The following XRCC5 variants were observed in gnomAD, a reference collection of about 807,000 sequenced individuals.
The protein encoded by XRCC5 is X-ray repair cross complementing 5.
XRCC5 carries 12 observed loss-of-function variants against 95.7 expected under a neutral mutation model. That is an observed-to-expected ratio of 0.13 (90% CI 0.08 to 0.20). The LOEUF (loss-of-function observed/expected upper bound fraction) is 0.20. XRCC5 is among the 10% of genes least tolerant of loss of function. The probability of loss-of-function intolerance (pLI) is 1.00; values close to 1 mark genes in which losing one functional copy is unlikely to be tolerated. For missense variants in XRCC5, 595 were observed against 873.9 expected, an observed-to-expected ratio of 0.68 and a Z score of 4.02; for synonymous variants, 281 against 290.3, an observed-to-expected ratio of 0.97 and a Z score of 0.33.
At position 216,127,792 on chromosome 2, in the gene XRCC5, T is replaced by C. The variant is rs548469967; in HGVS notation, c.937+118T>C. 29 of 1,204,380 alleles carry C rather than the reference T, an allele frequency of 2.4e-5. No homozygotes were observed. In the African/African-American group the frequency reaches 3.1e-4, roughly 13 times the overall value. 74.6% of individuals were successfully genotyped at this position (1,204,380 alleles called of 1,614,324 possible). A position where few individuals can be genotyped will look rare whatever the true frequency, so the allele number is the denominator to read the frequency against. ...GTTATTTCTTTGAGTTATAGAAATA[T>C]AACAGTTTGAAAGGATAATGAGACC... On this transcript the variant is annotated intron_variant, in intron 8 of 20. Transcript: ENST00000392132.
At chr2:216,167,302 T>G (rs1689068966) in intron 16 of XRCC5, among the ~76,000 whole-genome samples, 1 of 152,158 alleles carries the variant, frequency 6.6e-6, no homozygotes, top group African/African-American at 2.4e-5. Context: ...ACTAGAAACA[T>G]CCTTTCATTT....
In XRCC5 at chr2:216,141,540, C is replaced by CTTTTTTTTTTTTTTTTT. The variant is rs71401137; in HGVS notation, c.1476+231_1476+247dup. Among the ~76,000 whole-genome samples the CTTTTTTTTTTTTTTTTT allele has an allele frequency of 2.2e-3, 144 of 64,950 alleles. 34 individuals carry two copies. Among genetic ancestry groups the CTTTTTTTTTTTTTTTTT allele is most frequent in the East Asian group, 8.0e-3 (16 of 2,004 alleles). 42.6% of individuals were successfully genotyped at this position (64,950 alleles called of 152,430 possible). A position where few individuals can be genotyped will look rare whatever the true frequency, so the allele number is the denominator to read the frequency against. The stretch of plus-strand genomic sequence containing the variant: ...AAAGTTGGAATGCTTTCTTTCTTTT[C>CTTTTTTTTTTTTTTTTT]TTTTTTTTTTTTTTTTTTTTTTTTT... On this transcript the variant is annotated intron_variant, in intron 13 of 20. Transcript: ENST00000392132.
intron 16 of XRCC5, among the ~76,000 whole-genome samples, chr2:216,170,076 A>T (rs1689130356): frequency 7.3e-6 from 1 of 137,068 alleles, no homozygotes; most frequent in Non-Finnish European, 1.6e-5. Context: ...AAAAAGATGC[A>T]CTTGACCCCT....
chr2:216,165,520 T>C (rs376015215), intron 16 of XRCC5, among the ~76,000 whole-genome samples: 10 of 152,254 alleles, frequency 6.6e-5, no homozygotes, highest in East Asian at 3.8e-4. Flanking sequence ...ATTGATGTCC[T>C]GTTCTTTGTT....
chr2:216,162,081 G>C (rs1688964048), intron 16 of XRCC5, 33 bp downstream of exon 16: 4 of 1,582,954 alleles, frequency 2.5e-6, no homozygotes, highest in Non-Finnish European at 3.5e-6. Context: ...AGGAGAAGCT[G>C]TTTAGTTAAG....
intron 19 of XRCC5, among the ~76,000 whole-genome samples, chr2:216,200,448 A>G (rs1689815296): frequency 6.6e-6 from 1 of 152,224 alleles, no homozygotes; most frequent in South Asian, 2.1e-4. Flanking sequence ...TAGTACAAGA[A>G]AAGTAATAAT....
At position 216,204,405 on chromosome 2, in the gene XRCC5, T is replaced by G; in HGVS notation, c.2184+9T>G. On this transcript the variant is annotated intron_variant, in intron 20 of 20. Transcript: ENST00000392132. Reference sequence around the variant, plus strand: ...GTGATGTGGACGATTTAGTAAGTACTTTTAATATGCACCTGGTGTTCTATG... The same window carrying G: ...GTGATGTGGACGATTTAGTAAGTACGTTTAATATGCACCTGGTGTTCTATG... The G allele has an allele frequency of 6.2e-7, 1 of 1,613,778 alleles. No homozygotes were observed. Among genetic ancestry groups the G allele is most frequent in the Non-Finnish European group, 8.5e-7 (1 of 1,179,692 alleles).
chr2:216,178,712 A>G (rs530128005), intron 16 of XRCC5, among the ~76,000 whole-genome samples: 8 of 152,196 alleles, frequency 5.3e-5, no homozygotes, highest in Non-Finnish European at 8.8e-5. Context: ...TTCCCCCTTC[A>G]ATAGAGCTTT....
At chr2:216,189,441 T>A (rs1689573890) in intron 16 of XRCC5, among the ~76,000 whole-genome samples, 1 of 152,218 alleles carries the variant, frequency 6.6e-6, no homozygotes, top group Non-Finnish European at 1.5e-5. Flanking sequence ...CTCATGACTT[T>A]TAGATTTCCT....
At chr2:216,181,877 G>A (rs1689395501) in intron 16 of XRCC5, among the ~76,000 whole-genome samples, 1 of 152,096 alleles carries the variant, frequency 6.6e-6, no homozygotes, top group Non-Finnish European at 1.5e-5. Context: ...TTGACCTCTA[G>A]AATACTGTAA....
chr2:216,132,506 G>C (rs1697011654), intron 10 of XRCC5, 119 bp downstream of exon 10: 1 of 955,010 alleles, frequency 1.0e-6, no homozygotes. Flanking sequence ...TAGGAGTGGG[G>C]AAATCCACTG....
chr2:216,193,169 C>T (rs1188776127), intron 18 of XRCC5, among the ~76,000 whole-genome samples: 3 of 152,138 alleles, frequency 2.0e-5, no homozygotes, highest in African/African-American at 4.8e-5. Flanking sequence ...TTGGACTTTC[C>T]GTTTCAACAG....
intron 6 of XRCC5, among the ~76,000 whole-genome samples, chr2:216,125,544 A>G (rs1696888050): frequency 6.6e-6 from 1 of 152,292 alleles, no homozygotes; most frequent in Middle Eastern, 3.4e-3. Context: ...GGGAGTTGGT[A>G]GTGAATCCTT....
intron 19 of XRCC5, among the ~76,000 whole-genome samples, chr2:216,203,280 T>G (rs1418536785): frequency 6.6e-6 from 1 of 152,148 alleles, no homozygotes; most frequent in Non-Finnish European, 1.5e-5. Context: ...TATTTACTGT[T>G]TCTGGCCCCC....
chr2:216,127,754 T>C, intron 8 of XRCC5, 80 bp downstream of exon 8: 1 of 1,420,184 alleles, frequency 7.0e-7, no homozygotes, highest in Non-Finnish European at 9.4e-7. Context: ...GTTTGTATTA[T>C]TCTTTGTTTA....
At chr2:216,119,613 T>G (rs1696771391) in intron 5 of XRCC5, among the ~76,000 whole-genome samples, 1 of 152,176 alleles carries the variant, frequency 6.6e-6, no homozygotes, top group Non-Finnish European at 1.5e-5. Flanking sequence ...AACTTGGGAA[T>G]CATTCTAAAT....
At chr2:216,138,011 T>G (rs1398231841) in intron 11 of XRCC5, 78 bp from the exon 12 acceptor site, 1 of 1,261,090 alleles carries the variant, frequency 7.9e-7, no homozygotes, top group Non-Finnish European at 1.1e-6. Flanking sequence ...TATGCTACTT[T>G]CACAGAATTT....
chr2:216,109,558 G>C (rs1243180695), intron 1 of XRCC5, 101 bp downstream of exon 1: 2 of 1,531,606 alleles, frequency 1.3e-6, no homozygotes, highest in East Asian at 2.4e-5. Flanking sequence ...ACAAAGAATG[G>C]GGCAAGAGAA....
intron 11 of XRCC5, 52 bp from the exon 12 acceptor site, chr2:216,138,036 AT>A (rs1280698618): frequency 1.4e-6 from 2 of 1,468,528 alleles, no homozygotes; most frequent in African/African-American, 1.4e-5. Context: ...TCAGTTTTAT[AT>A]TTTTTCATTA....
Sources: gnomAD v4.1 joint callset for allele counts (sites outside exome capture counted in the v4.1 genomes callset) on GRCh38, gnomAD v4.1.1 for gene constraint, MANE v1.5 for transcripts, NCBI Gene and HGNC (gene_info 2026-07-23, HGNC 2026-07-21) for gene names.